The following POLA1 variants were observed in gnomAD, a reference collection of about 807,000 sequenced individuals.
POLA1 encodes the protein DNA polymerase alpha catalytic subunit.
A neutral mutation model predicts 124.0 loss-of-function variants in POLA1; 15 were observed. The ratio of observed to expected loss-of-function variants is 0.12; its 90% CI spans 0.08 to 0.19. The LOEUF (loss-of-function observed/expected upper bound fraction) is 0.19, where lower values mean the gene tolerates loss of function less well. Among genes scored for constraint, POLA1 ranks in the 10% least tolerant of loss-of-function variants. The pLI is 1.00. For missense variants in POLA1, 886 were observed against 1,103.4 expected (o/e 0.80, Z 2.79); for synonymous variants, 408 against 389.4 (o/e 1.05, Z -0.56).
intron 36 of POLA1, among the ~76,000 whole-genome samples, chrX:24,982,948 T>A (rs965025356): frequency 2.7e-5 from 3 of 112,349 alleles, no homozygotes; most frequent in East Asian, 2.8e-4. Flanking sequence ...ATTTACATTT[T>A]AAAAATTATA....
chrX:24,723,055 GTA>G, intron 10 of POLA1, 98 bp from the exon 11 acceptor site: 1 of 577,824 alleles, frequency 1.7e-6, no homozygotes, highest in Non-Finnish European at 3.0e-6. Flanking sequence ...TATCATGAAG[GTA>G]TAAATGTGTG....
chrX:24,859,281 T>G (rs1278444931), intron 34 of POLA1, among the ~76,000 whole-genome samples: 2 of 111,728 alleles, frequency 1.8e-5, no homozygotes, highest in Non-Finnish European at 3.8e-5. Context: ...AAATTCAGAT[T>G]TGGGAGCACT....
At chrX:24,816,652 A>G (rs1334332261) in intron 30 of POLA1, among the ~76,000 whole-genome samples, 2 of 112,000 alleles carry the variant, frequency 1.8e-5, no homozygotes, top group African/African-American at 6.5e-5. Flanking sequence ...CAGTTTTTGC[A>G]TCAATTCTGC....
At chrX:24,759,428 A>G (rs771030369) in intron 26 of POLA1, among the ~76,000 whole-genome samples, 1 of 111,968 alleles carries the variant, frequency 8.9e-6, no homozygotes, top group East Asian at 2.8e-4. Context: ...CCTGTGCTCT[A>G]CATAGTGGAT....
chrX:24,697,942 ATTT>A (rs563410574), intron 1 of POLA1, among the ~76,000 whole-genome samples: 2 of 99,925 alleles, frequency 2.0e-5, no homozygotes, highest in African/African-American at 3.6e-5. Flanking sequence ...CTGTGGATGA[ATTT>A]TTTTTTTTTT....
intron 34 of POLA1, among the ~76,000 whole-genome samples, chrX:24,846,536 G>T (rs760774454): frequency 9.0e-6 from 1 of 111,408 alleles, no homozygotes; most frequent in Admixed American, 9.6e-5. Flanking sequence ...TCATAAAAAG[G>T]CAGCTTAAAG....
At chrX:24,800,152 G>A (rs969254969) in intron 26 of POLA1, among the ~76,000 whole-genome samples, 1 of 111,793 alleles carries the variant, frequency 8.9e-6, no homozygotes, top group African/African-American at 3.3e-5. Context: ...TCAAAAGCAA[G>A]GGGCAAGGAC....
chrX:24,911,410 G>A (rs2047447315), intron 35 of POLA1, among the ~76,000 whole-genome samples: 1 of 111,276 alleles, frequency 9.0e-6, no homozygotes, highest in African/African-American at 3.3e-5. Flanking sequence ...AATCAGGTGA[G>A]TAAAGGAGAA....
At chrX:24,965,270 G>A (rs2048209476) in intron 36 of POLA1, among the ~76,000 whole-genome samples, 1 of 112,312 alleles carries the variant, frequency 8.9e-6, no homozygotes, top group Admixed American at 9.4e-5. Context: ...GGCTTGGTAA[G>A]TGAAGGATCA....
chrX:24,766,371 C>T (rs910453672), intron 26 of POLA1, among the ~76,000 whole-genome samples: 2 of 112,036 alleles, frequency 1.8e-5, no homozygotes, highest in African/African-American at 6.5e-5. Context: ...CTAGCATAGA[C>T]CTTGACACAT....
intron 4 of POLA1, 76 bp downstream of exon 4, chrX:24,704,545 C>CT: frequency 1.5e-6 from 1 of 656,682 alleles, no homozygotes; most frequent in Non-Finnish European, 2.5e-6. Context: ...ACTTGATACT[C>CT]TGATAGTTTA....
chrX:24,895,616 A>G (rs867712184), intron 35 of POLA1, among the ~76,000 whole-genome samples: 1 of 112,283 alleles, frequency 8.9e-6, no homozygotes, highest in South Asian at 3.7e-4. Context: ...CCAGCACTCT[A>G]TGCAACAGAG....
intron 27 of POLA1, 140 bp from the exon 28 acceptor site, chrX:24,810,568 A>C: frequency 2.8e-6 from 1 of 352,328 alleles, no homozygotes; most frequent in Non-Finnish European, 4.9e-6. Context: ...GTATACCCTG[A>C]CAATATAAAT....
At chrX:24,945,202 G>A (rs1364962418) in intron 36 of POLA1, among the ~76,000 whole-genome samples, 1 of 112,989 alleles carries the variant, frequency 8.9e-6, no homozygotes, top group Non-Finnish European at 1.9e-5. Flanking sequence ...AAATGCTTAG[G>A]ACAGTGCCTG....
intron 15 of POLA1, 150 bp from the exon 16 acceptor site, chrX:24,732,220 G>T: frequency 2.3e-6 from 1 of 431,985 alleles, no homozygotes; most frequent in Non-Finnish European, 4.1e-6. Flanking sequence ...CTCTCAGAGT[G>T]CTGGAATTAC....
intron 34 of POLA1, among the ~76,000 whole-genome samples, chrX:24,864,727 T>C (rs1169464812): frequency 1.0e-5 from 1 of 97,948 alleles, no homozygotes; most frequent in East Asian, 3.0e-4. Context: ...CTATGGAATG[T>C]TTTTTTTTTT....
At chrX:24,877,994 GA>G (rs1438558072) in intron 34 of POLA1, among the ~76,000 whole-genome samples, 1 of 106,793 alleles carries the variant, frequency 9.4e-6, no homozygotes, top group Admixed American at 1.0e-4. Context: ...AAAGTGGCAT[GA>G]AAGCAAAGCA....
rs1426694103 is a variant in POLA1, at chrX:24,717,462, G to C, written c.879G>C (p.Ala293=). 1.7e-6 allele frequency: 2 copies of C among 1,211,265 alleles called. No individual in the cohort carries two copies. Among genetic ancestry groups the C allele is most frequent in the South Asian group, 3.5e-5 (2 of 56,973 alleles). The stretch of plus-strand genomic sequence containing the variant: ...CAGCAGAGGAAGTGAAACAAGAGGC[G>C]GATTCTGGGAAAGGGACCGTGTCCT... ...SEPAEEVKQE[A]DSGKGTVSYL... The change falls in exon 9 of 37, where the codon GCG becomes GCC. Residue 293 remains alanine, a synonymous_variant. Coordinates refer to ENST00000379068, the MANE Select transcript of POLA1 (RefSeq NM_001330360.2).
intron 26 of POLA1, among the ~76,000 whole-genome samples, chrX:24,752,033 A>G (rs1932349495): frequency 8.9e-6 from 1 of 111,841 alleles, no homozygotes. Flanking sequence ...TTGCATTTGG[A>G]TGTGGATTAA....
Sources: allele counts gnomAD v4.1 joint callset (sites outside exome capture counted in the v4.1 genomes callset), GRCh38; gene constraint gnomAD v4.1.1; transcripts MANE v1.5; gene names NCBI Gene and HGNC (gene_info 2026-07-23, HGNC 2026-07-21).